The following FAM107A variants were observed in gnomAD, a reference collection of about 807,000 sequenced individuals.
FAM107A encodes actin-associated protein FAM107A.
In FAM107A, 19 loss-of-function variants were observed where a neutral mutation model predicts 13.7. The ratio of observed to expected loss-of-function variants is 1.38; its 90% CI spans 0.97 to 2.03. The LOEUF (loss-of-function observed/expected upper bound fraction) is 2.03, where lower values mean the gene tolerates loss of function less well. FAM107A is among the 30% of genes most tolerant of loss of function. The pLI is 0.00. For synonymous variants in FAM107A, 82 were observed against 74.5 expected, an observed-to-expected ratio of 1.10 and a Z score of -0.52; for missense variants, 203 against 184.4, an observed-to-expected ratio of 1.10 and a Z score of -0.58.
chr3:58,588,858 C>CA (rs1442994625), upstream of FAM107A, among the ~76,000 whole-genome samples: 2 of 152,110 alleles, frequency 1.3e-5, no homozygotes, highest in Non-Finnish European at 2.9e-5. Context: ...GGGGTTTTGC[C>CA]ATGTTGGTCT....
At position 58,611,165 on chromosome 3, in the gene FAM107A, C is replaced by T. The variant is rs151048309; in HGVS notation, c.-70+16251G>A. On this transcript the variant is annotated intron_variant, in intron 1 of 3. Coordinates refer to the FAM107A transcript ENST00000465970. ...CTGAGGCCTCCCCAGCCATATGGAA[C>T]TGTGAGTCAATTAAACCTCTTTTCT... 2.2e-3 allele frequency among the ~76,000 whole-genome samples: 341 copies of T among 152,366 alleles called. 5 individuals carry two copies. The East Asian group carries it at 0.037, about 17-fold the overall frequency.
rs1202369095 is a variant in FAM107A at position 58,565,083 on chromosome 3, G to A, written c.*1505C>T. 3.3e-5 allele frequency: 5 copies of A among 152,202 alleles called. No individual in the cohort carries two copies. The highest frequency in any genetic ancestry group is 1.2e-4 in the African/African-American group (5 of 41,428). The allele number at this position is 152,202 out of a possible 1,614,324, so 9.4% of individuals were successfully genotyped here. A position where few individuals can be genotyped will look rare whatever the true frequency, so the allele number is the denominator to read the frequency against. On this transcript the variant is annotated 3_prime_UTR_variant, in exon 4 of 4. Transcript: ENST00000360997. ...TGAAAGGAGATGCTATTCCAGCACT[G>A]CTCTGTCACCTTAGATGATGGGTTT...
upstream of FAM107A, among the ~76,000 whole-genome samples, chr3:58,589,996 T>G (rs1041047543): frequency 6.6e-6 from 1 of 152,242 alleles, no homozygotes; most frequent in African/African-American, 2.4e-5. Flanking sequence ...GGCTTGGTCC[T>G]TAGGGCCAGT....
chr3:58,626,943 C>G, intron 1 of FAM107A: 1 of 1,535,196 alleles, frequency 6.5e-7, no homozygotes, highest in Non-Finnish European at 8.7e-7. Context: ...ATGACCAGGG[C>G]CCCAACAGGA....
chr3:58,626,721 G>A (rs1333615329), intron 1 of FAM107A, among the ~76,000 whole-genome samples: 2 of 152,236 alleles, frequency 1.3e-5, no homozygotes, highest in African/African-American at 4.8e-5. Flanking sequence ...GATGTGTGTG[G>A]TTAAGACCAG....
chr3:58,588,532 G>C (rs2065628792), upstream of FAM107A, among the ~76,000 whole-genome samples: 1 of 152,208 alleles, frequency 6.6e-6, no homozygotes, highest in Admixed American at 6.5e-5. Flanking sequence ...AGGCCTCATT[G>C]ATTGGCCAGA....
At chr3:58,574,637 G>T (rs1180595548) in intron 1 of FAM107A, among the ~76,000 whole-genome samples, 1 of 152,224 alleles carries the variant, frequency 6.6e-6, no homozygotes, top group African/African-American at 2.4e-5. Flanking sequence ...CCACCAGTAG[G>T]CGACAGCTAT....
chr3:58,587,123 C>T (rs1348468574), upstream of FAM107A: 1 of 1,370,190 alleles, frequency 7.3e-7, no homozygotes, highest in Non-Finnish European at 9.4e-7. Flanking sequence ...AGGAGGGGGG[C>T]AGGGGCCAGG....
intron 1 of FAM107A, among the ~76,000 whole-genome samples, chr3:58,574,551 C>T (rs1251997444): frequency 2.0e-5 from 3 of 152,170 alleles, no homozygotes; most frequent in Admixed American, 6.5e-5. Flanking sequence ...TGGTCTCTAA[C>T]CTCTGGGATG....
chr3:58,580,335 A>T (rs1002762790), upstream of FAM107A, among the ~76,000 whole-genome samples: 3 of 151,212 alleles, frequency 2.0e-5, no homozygotes, highest in Non-Finnish European at 4.4e-5. Flanking sequence ...AAATACTATT[A>T]CTAGATGTCA....
At chr3:58,580,197 G>A (rs1404439528), upstream of FAM107A, among the ~76,000 whole-genome samples, 2 of 151,504 alleles carry the variant, frequency 1.3e-5, no homozygotes, top group African/African-American at 4.9e-5. Flanking sequence ...CATATTCAAT[G>A]AAAAATCATA....
intron 1 of FAM107A, among the ~76,000 whole-genome samples, chr3:58,598,519 C>T (rs953478591): frequency 2.6e-5 from 4 of 152,208 alleles, no homozygotes; most frequent in African/African-American, 7.2e-5. Context: ...CAGGCAGCAG[C>T]AGCAATCTTT....
At chr3:58,609,743 C>T (rs1358641110) in intron 1 of FAM107A, among the ~76,000 whole-genome samples, 1 of 141,902 alleles carries the variant, frequency 7.0e-6, no homozygotes, top group Non-Finnish European at 1.5e-5. Context: ...TTTTGGGTTC[C>T]TCACATGGAT....
At chr3:58,594,625 C>T (rs1378547735) in intron 1 of FAM107A, among the ~76,000 whole-genome samples, 1 of 152,172 alleles carries the variant, frequency 6.6e-6, no homozygotes, top group African/African-American at 2.4e-5. Flanking sequence ...TCCTTACCTC[C>T]CAAAATCAAT....
At chr3:58,608,504 G>A (rs1390957173) in intron 1 of FAM107A, among the ~76,000 whole-genome samples, 2 of 152,152 alleles carry the variant, frequency 1.3e-5, no homozygotes, top group African/African-American at 2.4e-5. Flanking sequence ...ATTACCCTAA[G>A]AGCCAGGCAG....
chr3:58,589,284 A>G (rs776956704), upstream of FAM107A: 3 of 1,517,566 alleles, frequency 2.0e-6, no homozygotes, highest in South Asian at 1.2e-5. Flanking sequence ...AAACAGAAAG[A>G]AAGTAGGTGG....
chr3:58,619,185 A>G (rs2108084968), intron 1 of FAM107A, among the ~76,000 whole-genome samples: 1 of 152,092 alleles, frequency 6.6e-6, no homozygotes, highest in East Asian at 1.9e-4. Flanking sequence ...CTTTTTTTGT[A>G]GTGATGGGTC....
intron 1 of FAM107A, among the ~76,000 whole-genome samples, chr3:58,583,536 T>C (rs2065570648): frequency 6.6e-6 from 1 of 151,870 alleles, no homozygotes; most frequent in Non-Finnish European, 1.5e-5. Flanking sequence ...GCAGGAGAGT[T>C]GCTTGAACTC....
rs1483318284 is a variant in FAM107A, at chr3:58,604,603, G to T, written c.-69-15334C>A. ...AGATCAATCAGCGGGACCTCAGGAT[G>T]TGTGGACTGAATGCACTTTCCTTTA... On this transcript the variant is annotated intron_variant, in intron 1 of 3. Coordinates refer to the FAM107A transcript ENST00000465970. The surrounding 1 kb of genome is among the most constrained non-coding windows in gnomAD (Gnocchi z 4.1). 6.6e-6 allele frequency among the ~76,000 whole-genome samples: 1 copy of T among 152,200 alleles called. No homozygotes were observed. Among genetic ancestry groups the T allele is most frequent in the Non-Finnish European group, 1.5e-5 (1 of 68,036 alleles).
Sources: allele counts gnomAD v4.1 joint callset (sites outside exome capture counted in the v4.1 genomes callset), GRCh38; gene constraint gnomAD v4.1.1; non-coding constraint Gnocchi (gnomAD v3.1); transcripts MANE v1.5; gene names NCBI Gene and HGNC (gene_info 2026-07-23, HGNC 2026-07-21).